Variants in ALDH6A1 observed in about 807,000 individuals in gnomAD.
The protein encoded by ALDH6A1 is aldehyde dehydrogenase 6 family member A1.
In ALDH6A1, 43 loss-of-function variants were observed where a neutral mutation model predicts 62.6. The ratio of observed to expected loss-of-function variants is 0.69; its 90% confidence interval spans 0.54 to 0.89. The LOEUF is 0.89. Among genes scored for constraint, ALDH6A1 ranks in the 40% least tolerant of loss-of-function variants. ALDH6A1 has a pLI of 0.00. For synonymous variants in ALDH6A1, 194 were observed against 234.2 expected (o/e 0.83, Z 1.57); for missense variants, 551 against 661.3 (o/e 0.83, Z 1.83).
At chr14:74,067,705 C>A (rs1373271251) in intron 7 of ALDH6A1, 136 bp from the exon 8 acceptor site, 22 of 941,978 alleles carry the variant, frequency 2.3e-5, no homozygotes, top group Non-Finnish European at 3.5e-5. Flanking sequence ...AGAAGGATAA[C>A]TTGAGGTCAG....
intron 1 of ALDH6A1, chr14:74,078,205 A>AAAC: frequency 2.2e-6 from 1 of 456,048 alleles, no homozygotes; most frequent in Non-Finnish European, 4.4e-6. Flanking sequence ...GAGCACACAG[A>AAAC]AACCATCAGA....
chr14:74,067,330 T>C, intron 8 of ALDH6A1, 50 bp downstream of exon 8: 1 of 1,606,776 alleles, frequency 6.2e-7, no homozygotes, highest in Non-Finnish European at 8.5e-7. Context: ...ACCCAAGAGC[T>C]TAATGCCACA....
intron 7 of ALDH6A1, 127 bp downstream of exon 7, chr14:74,068,733 C>G: frequency 2.6e-6 from 3 of 1,150,066 alleles, no homozygotes; most frequent in Non-Finnish European, 2.5e-6. Context: ...CAGAGAGACT[C>G]TGTCTCAAAA....
In ALDH6A1 at chr14:74,071,432, T is replaced by C; in HGVS notation, c.493A>G (p.Lys165Glu). Residue 165 changes from lysine to glutamate, a missense_variant, in exon 6 of 12, where the codon AAA (lysine) becomes GAA (glutamate). By Grantham distance (56) the Lys-to-Glu change is moderately conservative. Transcript: ENST00000553458. ...MMGETMPSIT[K>E]DMDLYSYRLP... is the part of the protein sequence containing the mutation. Reference sequence around the variant, plus strand: ...CGGTAGGAATAAAGGTCCATGTCTTTGGTGATGGATGGCATGGTCTCTCCC... The same window carrying C: ...CGGTAGGAATAAAGGTCCATGTCTTCGGTGATGGATGGCATGGTCTCTCCC... 1.2e-6 allele frequency: 2 copies of C among 1,614,186 alleles called. No homozygotes were observed. Among genetic ancestry groups the C allele is most frequent in the Non-Finnish European group, 8.5e-7 (1 of 1,180,028 alleles).
chr14:74,067,622 G>A (rs1419782951), intron 7 of ALDH6A1, 53 bp from the exon 8 acceptor site: 1 of 1,588,966 alleles, frequency 6.3e-7, no homozygotes, highest in East Asian at 2.2e-5. Context: ...ATACAACTAA[G>A]CTAAGAAATT....
In ALDH6A1 at chr14:74,058,054, G is replaced by C; in HGVS notation, c.*2588C>G. On this transcript the variant is annotated 3_prime_UTR_variant, in exon 12 of 12. Coordinates refer to ENST00000553458, the MANE Select transcript of ALDH6A1 (RefSeq NM_005589.4). ...TTAAATATCACTACCAGGGCCAGGT[G>C]CGGTGGTTCACGCCTGTAATCCCAG... The C allele has an allele frequency of 2.5e-6, 1 of 396,088 alleles. No homozygotes were observed. Among genetic ancestry groups the C allele is most frequent in the Middle Eastern group, 1.3e-3 (1 of 778 alleles). The allele number at this position is 396,088 out of a possible 1,614,324, so 24.5% of individuals were successfully genotyped here. A position where few individuals can be genotyped will look rare whatever the true frequency, so the allele number is the denominator to read the frequency against.
chr14:74,063,906 C>T (rs532817050), intron 11 of ALDH6A1, among the ~76,000 whole-genome samples: 1 of 151,468 alleles, frequency 6.6e-6, no homozygotes, highest in Non-Finnish European at 1.5e-5. Context: ...CAAAGTCAGA[C>T]AGCTAATAAC....
intron 10 of ALDH6A1, 83 bp downstream of exon 10, chr14:74,065,098 C>G: frequency 6.5e-7 from 1 of 1,543,316 alleles, no homozygotes; most frequent in Non-Finnish European, 8.9e-7. Flanking sequence ...CAATCTTAAA[C>G]CAATGACTCA....
At chr14:74,082,990 T>G (rs2060685805) in intron 1 of ALDH6A1, 1 of 152,026 alleles carries the variant, frequency 6.6e-6, no homozygotes, top group Admixed American at 6.6e-5. Context: ...AAGAAGTTGG[T>G]AAGAAAAATA....
Position 74,060,428 on chromosome 14 carries a change from A to T in ALDH6A1, c.*214T>A, listed in dbSNP as rs930228472. The T allele has an allele frequency of 5.3e-6, 3 of 564,198 alleles. No individual in the cohort carries two copies. The highest frequency in any genetic ancestry group is 9.6e-6 in the Non-Finnish European group (3 of 313,836). 34.9% of individuals were successfully genotyped at this position (564,198 alleles called of 1,614,324 possible). A position where few individuals can be genotyped will look rare whatever the true frequency, so the allele number is the denominator to read the frequency against. On this transcript the variant is annotated 3_prime_UTR_variant, in exon 12 of 12. Transcript: ENST00000553458. ...TCATAGTTACAACAGTTACCTCAAA[A>T]TAGAAGTATGAAGAGCAAGTGAGAA... is the stretch of plus-strand genomic sequence containing the variant.
Position 74,071,309 on chromosome 14 carries a change from A to G in ALDH6A1, c.616T>C (p.Phe206Leu). The part of the protein sequence containing the change: ...FPMAMVCGNT[F>L]LMKPSERVPG... ...ACTCGCTCAGATGGTTTCATTAGGA[A>G]GGTATTTCCACACACCATGGCCATG... is the stretch of plus-strand genomic sequence containing the variant. Residue 206 changes from phenylalanine to leucine, a missense_variant, in exon 6 of 12, where the codon TTC becomes CTC. Coordinates refer to ENST00000553458, the MANE Select transcript of ALDH6A1 (RefSeq NM_005589.4). 6.2e-7 allele frequency: 1 copy of G among 1,614,184 alleles called. No individual in the cohort carries two copies.
At chr14:74,074,486 C>T (rs989744621) in intron 2 of ALDH6A1, among the ~76,000 whole-genome samples, 2 of 150,016 alleles carry the variant, frequency 1.3e-5, no homozygotes, top group African/African-American at 2.5e-5. Context: ...GTGGTTTCCC[C>T]ATGTTGGCCA....
chr14:74,070,884 TC>T (rs1389266166), intron 6 of ALDH6A1: 1 of 353,348 alleles, frequency 2.8e-6, no homozygotes, highest in Non-Finnish European at 5.3e-6. Flanking sequence ...CTGCAAATTC[TC>T]TGAATTAAAT....
chr14:74,072,360 G>A lies in ALDH6A1; in HGVS notation c.191C>T (p.Thr64Ile), dbSNP rs1316321454. 6.2e-7 allele frequency: 1 copy of A among 1,614,048 alleles called. No homozygotes were observed. Among genetic ancestry groups the A allele is most frequent in the African/African-American group, 1.3e-5 (1 of 74,934 alleles). ...DKWIDIHNPA[T>I]NEVIGRVPQA... ...AGGGACCCGACCAATGACCTCATTG[G>A]TGGCCTGATGAGAAAAATAAGCACA... is the stretch of plus-strand genomic sequence containing the variant. Residue 64 changes from threonine to isoleucine, a missense_variant, in exon 4 of 12, where the codon ACC becomes ATC. Transcript: ENST00000553458.
At position 74,057,722 on chromosome 14, in the gene ALDH6A1, T is replaced by G; in HGVS notation, c.*2920A>C. On this transcript the variant is annotated 3_prime_UTR_variant, in exon 12 of 12. Coordinates refer to ENST00000553458, the MANE Select transcript of ALDH6A1 (RefSeq NM_005589.4). ...TATTCATAATTAGTACAATGTAGAA[T>G]CTGAGAAATTTCAAATGAAGCCACA... The G allele has an allele frequency of 8.5e-7, 1 of 1,179,130 alleles. No individual in the cohort carries two copies. 73.0% of individuals were successfully genotyped at this position (1,179,130 alleles called of 1,614,324 possible).
chr14:74,072,617 A>G lies in ALDH6A1; in HGVS notation c.112-6T>C. On this transcript the variant is annotated splice_polypyrimidine_tract_variant and splice_region_variant and intron_variant, in intron 2 of 11. Transcript: ENST00000553458. ...ATGAAGAGCTTTACAGTTGGCTGAA[A>G]AAAACAAACAAACAAACAAACAAAC... 3.1e-6 allele frequency: 5 copies of G among 1,611,584 alleles called. No homozygotes were observed. The highest frequency in any genetic ancestry group is 4.2e-6 in the Non-Finnish European group (5 of 1,179,836).
chr14:74,071,433 G>C lies in ALDH6A1; in HGVS notation c.492C>G (p.Thr164=). ...LMMGETMPSI[T]KDMDLYSYRL... is the part of the protein sequence containing the mutation. ...GGTAGGAATAAAGGTCCATGTCTTT[G>C]GTGATGGATGGCATGGTCTCTCCCA... The change falls in exon 6 of 12, where the codon ACC becomes ACG. Residue 164 remains threonine, a synonymous_variant. Transcript: ENST00000553458. The C allele has an allele frequency of 6.2e-7, 1 of 1,614,130 alleles. No individual in the cohort carries two copies. Among genetic ancestry groups the C allele is most frequent in the Non-Finnish European group, 8.5e-7 (1 of 1,180,020 alleles).
chr14:74,071,603 G>C (rs2060549777), intron 5 of ALDH6A1, 106 bp from the exon 6 acceptor site: 6 of 1,597,932 alleles, frequency 3.8e-6, no homozygotes, highest in Non-Finnish European at 5.1e-6. Flanking sequence ...CCAATGAAGG[G>C]GTGCAGGGTA....
Position 74,057,308 on chromosome 14 carries a change from C to A in ALDH6A1, c.*3334G>T. 6.2e-7 allele frequency: 1 copy of A among 1,612,316 alleles called. No homozygotes were observed. Among genetic ancestry groups the A allele is most frequent in the South Asian group, 1.1e-5 (1 of 90,774 alleles). On this transcript the variant is annotated 3_prime_UTR_variant, in exon 12 of 12. Transcript: ENST00000553458. The stretch of plus-strand genomic sequence containing the variant: ...CAATGTATATTGTTGTCACCCTTCC[C>A]CATGTCGCTTCTTGCTAAATCACGG...
Sources: gnomAD v4.1 joint callset for allele counts (sites outside exome capture counted in the v4.1 genomes callset) on GRCh38, gnomAD v4.1.1 for gene constraint, MANE v1.5 for transcripts, NCBI Gene and HGNC (gene_info 2026-07-23, HGNC 2026-07-21) for gene names.